FTO: variants seen among roughly 807,000 people sequenced by gnomAD.
The protein encoded by FTO is FTO alpha-ketoglutarate dependent dioxygenase.
In FTO, 47 loss-of-function variants were observed where a neutral mutation model predicts 63.9. The observed-to-expected ratio is 0.74, with a 90% confidence interval of 0.58 to 0.94. The LOEUF is 0.94. Ranked by LOEUF, FTO falls within the 40% of genes least tolerant of loss-of-function variation. The pLI is 0.00. For missense variants in FTO, 562 were observed against 618.1 expected, an observed-to-expected ratio of 0.91 and a Z score of 0.96; for synonymous variants, 207 against 224.4, an observed-to-expected ratio of 0.92 and a Z score of 0.69.
chr16:54,083,381 G>A (rs1282658871), intron 8 of FTO, among the ~76,000 whole-genome samples: 1 of 152,120 alleles, frequency 6.6e-6, no homozygotes, highest in African/African-American at 2.4e-5. Flanking sequence ...CAAAATCTCT[G>A]ATCTCATTAT....
chr16:54,073,016 G>A (rs768980391), intron 8 of FTO, among the ~76,000 whole-genome samples: 1 of 152,200 alleles, frequency 6.6e-6, no homozygotes, highest in Non-Finnish European at 1.5e-5. Context: ...GACCTTATTA[G>A]GCTGTAGTTG....
chr16:54,068,457 G>C (rs1208997259), intron 8 of FTO, among the ~76,000 whole-genome samples: 2 of 152,164 alleles, frequency 1.3e-5, no homozygotes, highest in Non-Finnish European at 2.9e-5. Context: ...CCAGGGGTGA[G>C]AAGGATCATT....
At chr16:53,944,908 T>C (rs12931934) in intron 8 of FTO, among the ~76,000 whole-genome samples, 69,295 of 152,048 alleles carry the variant, frequency 0.46, 19,205 homozygotes, top group Middle Eastern at 0.63. Flanking sequence ...GTAAATATCC[T>C]AGCCTCCTGG....
chr16:53,895,641 A>T (rs2081262340), intron 7 of FTO, among the ~76,000 whole-genome samples: 1 of 152,192 alleles, frequency 6.6e-6, no homozygotes, highest in Non-Finnish European at 1.5e-5. Context: ...TATCTCCAGG[A>T]ACATCAGAGC....
intron 1 of FTO, among the ~76,000 whole-genome samples, chr16:53,793,712 G>A (rs889382562): frequency 4.6e-5 from 7 of 152,042 alleles, no homozygotes; most frequent in African/African-American, 1.7e-4. Flanking sequence ...TCAGTGAGCC[G>A]AGAGCGAGAC....
chr16:54,018,916 A>G (rs1440297918), intron 8 of FTO, among the ~76,000 whole-genome samples: 1 of 152,176 alleles, frequency 6.6e-6, no homozygotes, highest in Non-Finnish European at 1.5e-5. Flanking sequence ...CCCTGACTCA[A>G]ATTACTGTAA....
intron 1 of FTO, among the ~76,000 whole-genome samples, chr16:53,764,447 T>A (rs867544344): frequency 7.6e-6 from 1 of 132,036 alleles, no homozygotes; most frequent in Non-Finnish European, 1.6e-5. Context: ...CTGGCTAACA[T>A]GGTGAAACCC....
intron 7 of FTO, among the ~76,000 whole-genome samples, chr16:53,914,315 T>C (rs1038965070): frequency 1.3e-5 from 2 of 152,122 alleles, no homozygotes; most frequent in Non-Finnish European, 2.9e-5. Flanking sequence ...TGCTTTCTCT[T>C]TCACACATTG....
At chr16:54,012,397 A>T (rs2098371) in intron 8 of FTO, among the ~76,000 whole-genome samples, 49 of 151,564 alleles carry the variant, frequency 3.2e-4, no homozygotes, top group Non-Finnish European at 4.1e-4. Flanking sequence ...ATTTAAGAAA[A>T]GAAACTGTCT....
At chr16:53,753,738 T>C (rs543857517) in intron 1 of FTO, among the ~76,000 whole-genome samples, 5 of 152,302 alleles carry the variant, frequency 3.3e-5, no homozygotes, top group Admixed American at 6.5e-5. Context: ...AAAGAGCTCA[T>C]TGGGCCCTCT....
At chr16:53,879,723 A>T in intron 5 of FTO, 121 bp from the exon 6 acceptor site, 1 of 1,000,994 alleles carries the variant, frequency 1.0e-6, no homozygotes, top group Non-Finnish European at 1.6e-6. Context: ...AGGAGTATAG[A>T]CTGAGCCATG....
chr16:53,978,852 C>T (rs1466763863), intron 8 of FTO, among the ~76,000 whole-genome samples: 1 of 152,044 alleles, frequency 6.6e-6, no homozygotes, highest in Non-Finnish European at 1.5e-5. Context: ...CAAAAATTAG[C>T]TAGGCATGGT....
chr16:53,762,869 A>G (rs968065308), intron 1 of FTO, among the ~76,000 whole-genome samples: 3 of 152,206 alleles, frequency 2.0e-5, no homozygotes, highest in African/African-American at 7.2e-5. Flanking sequence ...TTGCCACTAC[A>G]AGTTTAAAGT....
At chr16:54,054,759 G>A (rs2085391363) in intron 8 of FTO, among the ~76,000 whole-genome samples, 2 of 152,174 alleles carry the variant, frequency 1.3e-5, no homozygotes, top group Non-Finnish European at 1.5e-5. Context: ...GATGAAATAG[G>A]TACCATTTCA....
At position 54,077,991 on chromosome 16, in the gene FTO, G is replaced by T. The variant is rs1339944585; in HGVS notation, c.1365-33771G>T. ...TGGGGGCAGTCCATTTTAGCTCCCCGGCCCCACCCCCATCCATGCTGGTGA... is the reference window on the plus strand; with the variant it reads ...TGGGGGCAGTCCATTTTAGCTCCCCTGCCCCACCCCCATCCATGCTGGTGA... On this transcript the variant is annotated intron_variant, in intron 8 of 8. Coordinates refer to ENST00000471389, the MANE Select transcript of FTO (RefSeq NM_001080432.3). Among the ~76,000 whole-genome samples the T allele has an allele frequency of 4.6e-5, 7 of 152,140 alleles. No individual in the cohort carries two copies. The South Asian group carries it at 1.5e-3, about 32-fold the overall frequency.
At chr16:53,715,574 A>G (rs997135758) in intron 1 of FTO, among the ~76,000 whole-genome samples, 2 of 152,182 alleles carry the variant, frequency 1.3e-5, no homozygotes, top group Non-Finnish European at 2.9e-5. Context: ...TTATTTCTGC[A>G]TCCTTGGTTC....
chr16:53,869,529 T>TCTG (rs1302510345), intron 4 of FTO, among the ~76,000 whole-genome samples: 1 of 146,556 alleles, frequency 6.8e-6, no homozygotes, highest in Non-Finnish European at 1.5e-5. Context: ...ATTGCAGTTG[T>TCTG]CCCATAGTTC....
intron 6 of FTO, among the ~76,000 whole-genome samples, chr16:53,886,407 C>T (rs1184508868): frequency 2.6e-5 from 4 of 152,176 alleles, no homozygotes; most frequent in Admixed American, 2.6e-4. Flanking sequence ...AGGCTCTTTC[C>T]ATAGTGTGAA....
At chr16:54,032,827 G>T (rs1291338769) in intron 8 of FTO, among the ~76,000 whole-genome samples, 1 of 152,104 alleles carries the variant, frequency 6.6e-6, no homozygotes, top group African/African-American at 2.4e-5. Flanking sequence ...CTCATGGCTT[G>T]GTGCTGTCCA....
Sources: allele counts gnomAD v4.1 joint callset (sites outside exome capture counted in the v4.1 genomes callset), GRCh38; gene constraint gnomAD v4.1.1; transcripts MANE v1.5; gene names NCBI Gene and HGNC (gene_info 2026-07-23, HGNC 2026-07-21).